The following PIK3C3 variants were observed in gnomAD, a reference collection of about 807,000 sequenced individuals.
PIK3C3 encodes the protein phosphatidylinositol 3-kinase catalytic subunit type 3.
Under a neutral mutation model 126.1 loss-of-function variants are expected in PIK3C3, and 95 were observed. The ratio of observed to expected loss-of-function variants is 0.75; its 90% CI spans 0.64 to 0.89. The LOEUF is 0.89. Ranked by LOEUF, PIK3C3 falls within the 40% of genes least tolerant of loss-of-function variation. The pLI is 0.00. For missense variants in PIK3C3, 829 were observed against 1,063.2 expected, an observed-to-expected ratio of 0.78 and a Z score of 3.06; for synonymous variants, 374 against 360.0, an observed-to-expected ratio of 1.04 and a Z score of -0.44.
intron 3 of PIK3C3, among the ~76,000 whole-genome samples, chr18:41,967,427 A>G (rs1980426325): frequency 1.3e-5 from 2 of 152,194 alleles, no homozygotes; most frequent in Admixed American, 1.3e-4. Context: ...TTATGCAGTG[A>G]AATAACACCA....
intron 10 of PIK3C3, 97 bp from the exon 11 acceptor site, chr18:42,013,345 A>G: frequency 1.3e-6 from 1 of 755,366 alleles, no homozygotes; most frequent in Non-Finnish European, 2.1e-6. Context: ...AGTGATAGAT[A>G]AAAGTAAAAT....
chr18:41,961,026 G>A (rs1200120675), intron 2 of PIK3C3, among the ~76,000 whole-genome samples: 1 of 152,058 alleles, frequency 6.6e-6, no homozygotes, highest in Non-Finnish European at 1.5e-5. Context: ...TTTTTCAAAA[G>A]AACTCTTCTG....
In PIK3C3 at chr18:42,004,466, G is replaced by A. The variant is rs1055234521; in HGVS notation, c.1095G>A (p.Glu365=). 13 of 1,613,766 alleles carry A rather than the reference G, an allele frequency of 8.1e-6. No homozygotes were observed. Among genetic ancestry groups the A allele is most frequent in the Non-Finnish European group, 1.0e-5 (12 of 1,179,830 alleles). The change falls in exon 10 of 25, where the codon GAG becomes GAA. Residue 365 remains glutamate, a synonymous_variant. Transcript: ENST00000262039. ...CGATGGATGTAGAGGACTCCTTGGA[G>A]CTGTTATCCTCTCATTACACCAACC... ...WKPMDVEDSL[E]LLSSHYTNPT... is the part of the protein sequence containing the mutation.
intron 11 of PIK3C3, 25 bp from the exon 12 acceptor site, chr18:42,015,451 G>C (rs1983029437): frequency 6.4e-7 from 1 of 1,556,524 alleles, no homozygotes; most frequent in East Asian, 2.2e-5. Context: ...TTACATCTCA[G>C]TGATCTCTTT....
Position 42,083,318 on chromosome 18 carries a change from A to G in PIK3C3, c.*2181A>G, listed in dbSNP as rs989060543. On this transcript the variant is annotated 3_prime_UTR_variant, in exon 25 of 25. Transcript: ENST00000262039. Reference sequence around the variant, plus strand: ...TGACAAGTTCAGTGATATTTCAAGCATGATGTTTTGAGTTTGAGAAATGTA... The same window carrying G: ...TGACAAGTTCAGTGATATTTCAAGCGTGATGTTTTGAGTTTGAGAAATGTA... The G allele has an allele frequency of 6.6e-6, 1 of 152,142 alleles. No homozygotes were observed. The highest frequency in any genetic ancestry group is 1.5e-5 in the Non-Finnish European group (1 of 68,028). 9.4% of individuals were successfully genotyped at this position (152,142 alleles called of 1,614,324 possible).
rs1249070534 is a variant in PIK3C3, at chr18:41,987,824, C to T, written c.544C>T (p.His182Tyr). The T allele has an allele frequency of 6.2e-7, 1 of 1,606,154 alleles. No homozygotes were observed. The highest frequency in any genetic ancestry group is 1.7e-5 in the Admixed American group (1 of 59,446). ...MSRLAKLTKA[H>Y]RQGHMVKVDW... Reference sequence around the variant, plus strand: ...ATTTATTCTGCAGCTCACCAAAGCTCATCGACAAGGACACATGGTGAAAGT... The same window carrying T: ...ATTTATTCTGCAGCTCACCAAAGCTTATCGACAAGGACACATGGTGAAAGT... Residue 182 changes from histidine (H) to tyrosine (Y), a missense_variant, in exon 5 of 25, where the codon CAT (histidine) becomes TAT (tyrosine). His to Tyr is a moderately conservative substitution (Grantham distance 83). Transcript: ENST00000262039.
intron 24 of PIK3C3, among the ~76,000 whole-genome samples, chr18:42,073,049 T>C (rs747894957): frequency 6.6e-6 from 1 of 152,198 alleles, no homozygotes; most frequent in Non-Finnish European, 1.5e-5. Context: ...GTAATGTTAA[T>C]ACATACTAAA....
intron 4 of PIK3C3, among the ~76,000 whole-genome samples, chr18:41,983,598 A>G (rs1019888330): frequency 6.6e-6 from 1 of 152,180 alleles, no homozygotes; most frequent in South Asian, 2.1e-4. Context: ...AGTAAAATAG[A>G]GAAGAGTACG....
intron 24 of PIK3C3, chr18:42,070,619 A>C (rs1277650501): frequency 1.3e-5 from 2 of 152,188 alleles, no homozygotes; most frequent in African/African-American, 2.4e-5. Flanking sequence ...TCTGGGCCTC[A>C]GTTTTCACAC....
chr18:41,976,468 G>A (rs1980929993), intron 4 of PIK3C3, among the ~76,000 whole-genome samples: 1 of 152,076 alleles, frequency 6.6e-6, no homozygotes, highest in Non-Finnish European at 1.5e-5. Flanking sequence ...TATGTGTAAA[G>A]TGCTTTAATA....
chr18:42,002,399 A>G (rs550177566), intron 9 of PIK3C3, among the ~76,000 whole-genome samples: 185 of 152,318 alleles, frequency 1.2e-3, no homozygotes, highest in African/African-American at 4.4e-3. Context: ...AGAATGTCCT[A>G]TCATCTAGTT....
chr18:41,972,410 T>G (rs1193867701), intron 4 of PIK3C3, among the ~76,000 whole-genome samples: 1 of 152,092 alleles, frequency 6.6e-6, no homozygotes, highest in African/African-American at 2.4e-5. Context: ...TATTAAAATT[T>G]ATGTGCTGTT....
In PIK3C3 at chr18:41,993,341, G is replaced by C; in HGVS notation, c.786G>C (p.Met262Ile). 6.3e-7 allele frequency: 1 copy of C among 1,594,254 alleles called. No homozygotes were observed. Among genetic ancestry groups the C allele is most frequent in the Non-Finnish European group, 8.6e-7 (1 of 1,165,056 alleles). ...AAGTTCCTGACCCCCAGATGTCTAT[G>C]GTAAGTTATTGTGCAATTTTTTTAT... is the stretch of plus-strand genomic sequence containing the variant. ...LVKVPDPQMS[M>I]ENLVESKHHK... Residue 262 changes from methionine (M) to isoleucine (I), a missense_variant and splice_region_variant, in exon 7 of 25, where the codon ATG becomes ATC. Transcript: ENST00000262039.
chr18:41,974,411 C>G (rs1245843170), intron 4 of PIK3C3, among the ~76,000 whole-genome samples: 1 of 152,012 alleles, frequency 6.6e-6, no homozygotes, highest in Non-Finnish European at 1.5e-5. Context: ...TGTGAACATG[C>G]CTAGTTTTGC....
intron 24 of PIK3C3, among the ~76,000 whole-genome samples, chr18:42,069,993 C>G (rs572910996): frequency 6.6e-6 from 1 of 152,260 alleles, no homozygotes; most frequent in African/African-American, 2.4e-5. Context: ...GCTGGCTTCA[C>G]TCCTTCAGCT....
At chr18:41,973,858 A>C (rs1598856996) in intron 4 of PIK3C3, among the ~76,000 whole-genome samples, 1 of 152,302 alleles carries the variant, frequency 6.6e-6, no homozygotes, top group Admixed American at 6.5e-5. Flanking sequence ...GTATTCAAAT[A>C]GATGAGGGTT....
chr18:42,015,448 T>G (rs1983029115), intron 11 of PIK3C3, 28 bp from the exon 12 acceptor site: 1 of 1,541,532 alleles, frequency 6.5e-7, no homozygotes, highest in African/African-American at 1.4e-5. Flanking sequence ...ATTTTACATC[T>G]CAGTGATCTC....
intron 15 of PIK3C3, among the ~76,000 whole-genome samples, chr18:42,032,616 T>C (rs970762956): frequency 6.8e-6 from 1 of 147,768 alleles, no homozygotes; most frequent in African/African-American, 2.5e-5. Flanking sequence ...TATTTTACTT[T>C]CTGGTTATTT....
chr18:41,986,564 T>G (rs910942981), intron 4 of PIK3C3, among the ~76,000 whole-genome samples: 4 of 152,042 alleles, frequency 2.6e-5, no homozygotes, highest in African/African-American at 9.7e-5. Flanking sequence ...AGTATTAAGG[T>G]TGGAACTCTG....
Sources: allele counts gnomAD v4.1 joint callset (sites outside exome capture counted in the v4.1 genomes callset), GRCh38; gene constraint gnomAD v4.1.1; transcripts MANE v1.5; gene names NCBI Gene and HGNC (gene_info 2026-07-23, HGNC 2026-07-21).